Variants in STRBP observed in about 807,000 individuals in gnomAD.
STRBP encodes spermatid perinuclear RNA binding protein.
In STRBP, 13 loss-of-function variants were observed where a neutral mutation model predicts 80.1. The observed-to-expected ratio is 0.16, with a 90% CI of 0.11 to 0.26. The LOEUF (loss-of-function observed/expected upper bound fraction) is 0.26. Ranked by LOEUF, STRBP falls within the 10% of genes least tolerant of loss-of-function variation. The pLI, the probability that STRBP is intolerant of heterozygous loss-of-function variation, is 1.00. For missense variants in STRBP, 485 were observed against 815.2 expected (o/e 0.59, Z 4.93); for synonymous variants, 284 against 291.2 (o/e 0.98, Z 0.25).
At chr9:123,240,336 A>C (rs1269981698) in intron 1 of STRBP, among the ~76,000 whole-genome samples, 1 of 152,170 alleles carries the variant, frequency 6.6e-6, no homozygotes, top group Non-Finnish European at 1.5e-5. Context: ...TCTGCCCACC[A>C]CACCGAAATC....
chr9:123,117,565 GC>G (rs111706176), downstream of STRBP, among the ~76,000 whole-genome samples: 21,588 of 152,126 alleles, frequency 0.14, 4,952 homozygotes, highest in African/African-American at 0.48. Context: ...CTGCCCTGAG[GC>G]CTACTCCAAG....
chr9:123,110,800 C>A lies in STRBP; in HGVS notation c.*85-1047G>T, dbSNP rs1314154062. The A allele has an allele frequency of 1.2e-5, 2 of 169,166 alleles. No homozygotes were observed. The highest frequency in any genetic ancestry group is 2.9e-5 in the Non-Finnish European group (2 of 68,186). The allele number at this position is 169,166 out of a possible 1,614,324, so 10.5% of individuals were successfully genotyped here. A position where few individuals can be genotyped will look rare whatever the true frequency, so the allele number is the denominator to read the frequency against. On this transcript the variant is annotated intron_variant and NMD_transcript_variant, in intron 3 of 3. Coordinates refer to the STRBP transcript ENST00000471564. This position sits in a 1 kb window ranked among gnomAD's most constrained non-coding sequence, Gnocchi z 4.1. The stretch of plus-strand genomic sequence containing the variant: ...CCCCAGTAACATTTCTAAAAATGAG[C>A]CCTCCTCCCTCGGAAAGGTAGTAAG...
At chr9:123,197,769 G>T (rs1208397553) in intron 2 of STRBP, among the ~76,000 whole-genome samples, 1 of 147,006 alleles carries the variant, frequency 6.8e-6, no homozygotes, top group Non-Finnish European at 1.5e-5. Flanking sequence ...CCACCTCCCG[G>T]GTTCAAGCGA....
intron 5 of STRBP, among the ~76,000 whole-genome samples, 186 bp downstream of exon 5, chr9:123,173,491 G>C (rs1397757272): frequency 6.6e-6 from 1 of 152,110 alleles, no homozygotes; most frequent in Non-Finnish European, 1.5e-5. Flanking sequence ...AATATATCCT[G>C]AGTACAAATC....
intron 2 of STRBP, among the ~76,000 whole-genome samples, chr9:123,206,565 T>A (rs2039521659): frequency 5.3e-5 from 8 of 152,204 alleles, no homozygotes; most frequent in Admixed American, 5.2e-4. Context: ...GGGGGTTCTT[T>A]ATGGTTCACT....
chr9:123,253,574 T>C (rs773923052), intron 1 of STRBP, among the ~76,000 whole-genome samples: 1 of 152,248 alleles, frequency 6.6e-6, no homozygotes, highest in African/African-American at 2.4e-5. Context: ...TAAGTGATTC[T>C]AGAGTTACTG....
At chr9:123,180,509 T>C (rs1024361376) in intron 3 of STRBP, among the ~76,000 whole-genome samples, 7 of 152,212 alleles carry the variant, frequency 4.6e-5, no homozygotes, top group South Asian at 2.1e-4. Flanking sequence ...CTCCTCAGGA[T>C]TGATTTACTT....
rs1226938546 is a variant in STRBP, at chr9:123,115,166, C to A, written c.*84+763G>T. 2.1e-6 allele frequency: 1 copy of A among 468,010 alleles called. No individual in the cohort carries two copies. Among genetic ancestry groups the A allele is most frequent in the African/African-American group, 2.0e-5 (1 of 50,050 alleles). 29.0% of individuals were successfully genotyped at this position (468,010 alleles called of 1,614,324 possible). A position where few individuals can be genotyped will look rare whatever the true frequency, so the allele number is the denominator to read the frequency against. ...ACTCTGCTCATCCTCTCGGGTCCCA[C>A]AGCAAGGCCCTTCACACTCCCCAAG... On this transcript the variant is annotated intron_variant and NMD_transcript_variant, in intron 3 of 3. Transcript: ENST00000471564. This position sits in a 1 kb window ranked among gnomAD's most constrained non-coding sequence, Gnocchi z 5.0.
At chr9:123,229,659 G>A (rs904710910) in intron 2 of STRBP, among the ~76,000 whole-genome samples, 30 of 152,286 alleles carry the variant, frequency 2.0e-4, no homozygotes, top group Non-Finnish European at 1.0e-4. Flanking sequence ...AGAAGCACAT[G>A]TAGTTTATCT....
intron 4 of STRBP, among the ~76,000 whole-genome samples, chr9:123,174,142 A>C (rs112671345): frequency 4.1e-3 from 623 of 152,346 alleles, no homozygotes; most frequent in Middle Eastern, 0.01. Flanking sequence ...TTGTTCTTTT[A>C]AATTTCCTTC....
At chr9:123,194,189 C>T (rs1445889566) in intron 2 of STRBP, among the ~76,000 whole-genome samples, 3 of 152,194 alleles carry the variant, frequency 2.0e-5, no homozygotes, top group Non-Finnish European at 4.4e-5. Flanking sequence ...AACATCTATA[C>T]TCTTACCTCT....
At chr9:123,255,051 A>C (rs1206772343) in intron 1 of STRBP, among the ~76,000 whole-genome samples, 1 of 152,232 alleles carries the variant, frequency 6.6e-6, no homozygotes, top group Non-Finnish European at 1.5e-5. Context: ...CACAATTATC[A>C]ATATCATTTT....
At chr9:123,241,970 C>T (rs907481713) in intron 1 of STRBP, among the ~76,000 whole-genome samples, 1 of 152,220 alleles carries the variant, frequency 6.6e-6, no homozygotes, top group African/African-American at 2.4e-5. Flanking sequence ...TCATTACACT[C>T]CAGACACCCT....
At chr9:123,259,635 G>C (rs2041118152) in intron 1 of STRBP, among the ~76,000 whole-genome samples, 1 of 152,120 alleles carries the variant, frequency 6.6e-6, no homozygotes, top group African/African-American at 2.4e-5. Flanking sequence ...CTTGAACCCG[G>C]GCAGCAGAGG....
At chr9:123,192,564 T>G (rs2038960297) in intron 2 of STRBP, among the ~76,000 whole-genome samples, 1 of 152,146 alleles carries the variant, frequency 6.6e-6, no homozygotes, top group South Asian at 2.1e-4. Flanking sequence ...ATGCCTAGCC[T>G]AGCCAACATA....
At position 123,248,619 on chromosome 9, in the gene STRBP, T is replaced by C. The variant is rs554882965; in HGVS notation, c.-301-11653A>G. 2.6e-5 allele frequency among the ~76,000 whole-genome samples: 4 copies of C among 152,278 alleles called. No homozygotes were observed. The South Asian group carries it at 8.3e-4, about 32-fold the overall frequency. ...AAACCTGTAAAAATACTGGAAACTA[T>C]ACAAACCTATAAAAATAGGGTAACA... On this transcript the variant is annotated intron_variant, in intron 1 of 18. Transcript: ENST00000348403.
At chr9:123,267,590 C>A (rs1279196696) in intron 1 of STRBP, among the ~76,000 whole-genome samples, 1 of 151,994 alleles carries the variant, frequency 6.6e-6, no homozygotes, top group Non-Finnish European at 1.5e-5. Flanking sequence ...GCCTACCCTT[C>A]ATTTCCCTAT....
chr9:123,138,102 C>T (rs1183358492), intron 14 of STRBP, among the ~76,000 whole-genome samples: 1 of 152,176 alleles, frequency 6.6e-6, no homozygotes, highest in Non-Finnish European at 1.5e-5. Flanking sequence ...TTTTCTCCTT[C>T]CTTCCCACCA....
rs750247263 is a variant in STRBP, at chr9:123,260,194, G to GGA, written c.-302+8240_-302+8241dup. ...TAGACAGGGGAATAATGATGTTGCA[G>GGA]GAGAGAGAGAGACATCATTTCAGCT... On this transcript the variant is annotated intron_variant, in intron 1 of 18. Transcript: ENST00000348403. Among the ~76,000 whole-genome samples the GGA allele has an allele frequency of 7.9e-5, 12 of 152,250 alleles. No homozygotes were observed. The East Asian group carries it at 2.1e-3, about 27-fold the overall frequency.
Sources: gnomAD v4.1 joint callset for allele counts (sites outside exome capture counted in the v4.1 genomes callset) on GRCh38, gnomAD v4.1.1 for gene constraint, Gnocchi (gnomAD v3.1) non-coding constraint, MANE v1.5 for transcripts, NCBI Gene and HGNC (gene_info 2026-07-23, HGNC 2026-07-21) for gene names.